Variants in SGCZ observed in about 807,000 individuals in gnomAD.
SGCZ encodes zeta-sarcoglycan.
Under a neutral mutation model 41.3 loss-of-function variants are expected in SGCZ, and 40 were observed. The observed-to-expected ratio is 0.97, with a 90% CI of 0.75 to 1.26. The LOEUF (loss-of-function observed/expected upper bound fraction) is 1.26, where lower values mean the gene tolerates loss of function less well. SGCZ is among the 50% of genes most tolerant of loss of function. The pLI is 0.00. For synonymous variants in SGCZ, 206 were observed against 137.5 expected (o/e 1.50, Z -3.49); for missense variants, 552 against 369.8 (o/e 1.49, Z -4.04).
At chr8:14,975,451 A>C (rs1392186556) in intron 1 of SGCZ, among the ~76,000 whole-genome samples, 1 of 152,192 alleles carries the variant, frequency 6.6e-6, no homozygotes, top group Non-Finnish European at 1.5e-5. Flanking sequence ...CACAGACAAC[A>C]ATCTGAAAGA....
At chr8:14,648,187 A>C (rs1183988591) in intron 1 of SGCZ, among the ~76,000 whole-genome samples, 1 of 152,144 alleles carries the variant, frequency 6.6e-6, no homozygotes, top group Non-Finnish European at 1.5e-5. Flanking sequence ...AAAAAATCAT[A>C]ATAATTCAAA....
At chr8:14,675,196 T>C (rs1373894362) in intron 1 of SGCZ, among the ~76,000 whole-genome samples, 1 of 151,684 alleles carries the variant, frequency 6.6e-6, no homozygotes, top group African/African-American at 2.4e-5. Flanking sequence ...CACCTCGGCC[T>C]CCCAAAGTGC....
chr8:14,819,822 T>TGTG (rs1563291879), intron 1 of SGCZ, among the ~76,000 whole-genome samples: 47 of 152,192 alleles, frequency 3.1e-4, no homozygotes, highest in African/African-American at 1.1e-3. Flanking sequence ...CAAGATTTTA[T>TGTG]GTTAGCACAA....
At chr8:14,210,826 G>T (rs534799382) in intron 4 of SGCZ, among the ~76,000 whole-genome samples, 3 of 152,202 alleles carry the variant, frequency 2.0e-5, no homozygotes, top group African/African-American at 7.2e-5. Flanking sequence ...GCCAAAGATT[G>T]TTCTTTACAG....
intron 1 of SGCZ, among the ~76,000 whole-genome samples, chr8:14,784,913 A>AAATATATAT (rs1408574493): frequency 3.4e-5 from 3 of 88,038 alleles, no homozygotes; most frequent in Admixed American, 3.0e-4. Flanking sequence ...AAAAAAAAAA[A>AAATATATAT]ATATATATAT....
intron 4 of SGCZ, among the ~76,000 whole-genome samples, chr8:14,224,549 T>C (rs943068404): frequency 3.3e-5 from 5 of 152,202 alleles, no homozygotes; most frequent in African/African-American, 7.2e-5. Flanking sequence ...TCTGGAAATA[T>C]TTCCCTATGT....
intron 2 of SGCZ, among the ~76,000 whole-genome samples, chr8:14,336,516 C>T (rs1802512977): frequency 6.6e-6 from 1 of 152,178 alleles, no homozygotes; most frequent in South Asian, 2.1e-4. Context: ...AACTGCCTCA[C>T]TGCTTTCCAC....
intron 1 of SGCZ, among the ~76,000 whole-genome samples, chr8:15,053,491 T>C (rs1401195023): frequency 6.6e-6 from 1 of 152,138 alleles, no homozygotes; most frequent in Non-Finnish European, 1.5e-5. Flanking sequence ...GTGCATCCAA[T>C]GTGAATGGTA....
intron 1 of SGCZ, among the ~76,000 whole-genome samples, chr8:14,660,859 T>C (rs930003771): frequency 3.3e-5 from 5 of 152,154 alleles, no homozygotes; most frequent in African/African-American, 1.2e-4. Flanking sequence ...TGCTTTGTTC[T>C]AACTGGAAAC....
intron 5 of SGCZ, among the ~76,000 whole-genome samples, chr8:14,138,736 AT>A: frequency 6.6e-6 from 1 of 152,304 alleles, no homozygotes; most frequent in Non-Finnish European, 1.5e-5. Flanking sequence ...TCACACGATA[AT>A]AATGGGAGAT....
chr8:14,361,163 C>T (rs1369189601), intron 2 of SGCZ, among the ~76,000 whole-genome samples: 3 of 152,074 alleles, frequency 2.0e-5, no homozygotes, highest in Admixed American at 6.6e-5. Flanking sequence ...TTTGAACATT[C>T]TTTACATATT....
At chr8:14,877,295 C>T (rs1804401484) in intron 1 of SGCZ, among the ~76,000 whole-genome samples, 1 of 152,108 alleles carries the variant, frequency 6.6e-6, no homozygotes, top group Admixed American at 6.6e-5. Context: ...ATGTAAGTAT[C>T]TCTTTGTTTA....
chr8:14,404,611 A>T (rs1157757362), intron 2 of SGCZ, among the ~76,000 whole-genome samples: 3 of 152,190 alleles, frequency 2.0e-5, no homozygotes, highest in Admixed American at 6.5e-5. Flanking sequence ...ATTGGGTGAC[A>T]CTGGGAATTA....
chr8:14,906,191 T>C (rs976901812), intron 1 of SGCZ, among the ~76,000 whole-genome samples: 4 of 152,140 alleles, frequency 2.6e-5, no homozygotes, highest in Non-Finnish European at 5.9e-5. Context: ...CAGGAGCTAA[T>C]TCTTGCATTA....
At chr8:14,280,353 G>T (rs569505328) in intron 3 of SGCZ, among the ~76,000 whole-genome samples, 1 of 151,784 alleles carries the variant, frequency 6.6e-6, no homozygotes, top group Non-Finnish European at 1.5e-5. Context: ...GAGTAAGAGA[G>T]AATCAGAATG....
At chr8:14,949,477 C>G (rs139922135) in intron 1 of SGCZ, among the ~76,000 whole-genome samples, 1 of 152,022 alleles carries the variant, frequency 6.6e-6, no homozygotes, top group African/African-American at 2.4e-5. Flanking sequence ...CTTCACATGA[C>G]TGATTTGTCT....
intron 1 of SGCZ, among the ~76,000 whole-genome samples, chr8:14,847,126 A>AAGAAGGAAG (rs761276429): frequency 7.9e-6 from 1 of 126,362 alleles, no homozygotes; most frequent in East Asian, 2.5e-4. Flanking sequence ...GAAGAAGAAG[A>AAGAAGGAAG]AAGAAGAAGA....
intron 1 of SGCZ, among the ~76,000 whole-genome samples, chr8:15,026,941 A>C (rs556672814): frequency 6.6e-6 from 1 of 152,304 alleles, no homozygotes; most frequent in South Asian, 2.1e-4. Context: ...GCTGATGGTT[A>C]ATATGTTTAT....
intron 1 of SGCZ, among the ~76,000 whole-genome samples, chr8:15,080,501 C>A (rs375674324): frequency 1.3e-5 from 2 of 152,224 alleles, no homozygotes; most frequent in African/African-American, 2.4e-5. Flanking sequence ...ACCTCCAGTA[C>A]CCCAAATGTG....
Sources: allele counts gnomAD v4.1 joint callset (sites outside exome capture counted in the v4.1 genomes callset), GRCh38; gene constraint gnomAD v4.1.1; transcripts MANE v1.5; gene names NCBI Gene and HGNC (gene_info 2026-07-23, HGNC 2026-07-21).